The following RBFA variants were observed in gnomAD, a reference collection of about 807,000 sequenced individuals.
The protein encoded by RBFA is ribosome binding factor A.
Under a neutral mutation model 27.9 loss-of-function variants are expected in RBFA, and 16 were observed. The observed-to-expected ratio is 0.57, with a 90% CI of 0.39 to 0.87. The LOEUF is 0.87. Among genes scored for constraint, RBFA ranks in the 40% least tolerant of loss-of-function variants. The probability of loss-of-function intolerance (pLI) is 0.00; values close to 1 mark genes in which losing one functional copy is unlikely to be tolerated. For synonymous variants in RBFA, 181 were observed against 181.0 expected, an observed-to-expected ratio of 1.00 and a Z score of 0.00; for missense variants, 456 against 432.1, an observed-to-expected ratio of 1.06 and a Z score of -0.49.
chr18:80,039,048 C>G (rs2052000121), intron 4 of RBFA, among the ~76,000 whole-genome samples: 2 of 152,236 alleles, frequency 1.3e-5, no homozygotes, highest in African/African-American at 2.4e-5. Flanking sequence ...GACATGGTGC[C>G]TCTCACCTGT....
rs1398103009 is a variant in RBFA, at chr18:80,047,180, T to C, written c.*1025T>C. On this transcript the variant is annotated 3_prime_UTR_variant, in exon 7 of 7. Coordinates refer to ENST00000306735, the MANE Select transcript of RBFA (RefSeq NM_024805.3). ...ATCAAGACGGCACAGGGAAGGCATC[T>C]GTCCCAGCATTTGCACATGACAGGT... The C allele has an allele frequency of 6.6e-6, 1 of 152,298 alleles. No homozygotes were observed. Among genetic ancestry groups the C allele is most frequent in the Non-Finnish European group, 1.5e-5 (1 of 68,060 alleles). 9.4% of individuals were successfully genotyped at this position (152,298 alleles called of 1,614,324 possible).
chr18:80,044,026 C>T (rs1291904242), intron 5 of RBFA, among the ~76,000 whole-genome samples, 186 bp from the exon 6 acceptor site: 2 of 152,166 alleles, frequency 1.3e-5, no homozygotes, highest in Non-Finnish European at 2.9e-5. Context: ...GTTAAAGTAA[C>T]AGTAAGGTAT....
At chr18:80,038,670 T>C in intron 4 of RBFA, 53 bp downstream of exon 4, 2 of 1,340,364 alleles carry the variant, frequency 1.5e-6, no homozygotes, top group Admixed American at 4.0e-5. Flanking sequence ...ACCCTAAATT[T>C]CTCAGCTGTT....
intron 1 of RBFA, 75 bp downstream of exon 1, chr18:80,034,728 C>T (rs1035121461): frequency 3.4e-5 from 53 of 1,570,126 alleles, no homozygotes; most frequent in Non-Finnish European, 4.4e-5. Flanking sequence ...GGTGTCCGCT[C>T]ATCCGCGTTC....
Position 80,049,229 on chromosome 18 carries a change from C to T in RBFA, c.*3074C>T, listed in dbSNP as rs11663720. On this transcript the variant is annotated 3_prime_UTR_variant, in exon 7 of 7. Transcript: ENST00000306735. The stretch of plus-strand genomic sequence containing the variant: ...GAATGGGTCCACTCCTGGGGATTTC[C>T]GCGGCCTTCCCTGGGAGCGGGTTAG... Among the ~76,000 whole-genome samples the T allele has an allele frequency of 0.46, 66,660 of 144,118 alleles. 15,410 individuals carry two copies. The highest frequency in any genetic ancestry group is 0.53 in the Non-Finnish European group (34,228 of 64,010). The allele number at this position is 144,118 out of a possible 152,430, so 94.5% of individuals were successfully genotyped here. A position where few individuals can be genotyped will look rare whatever the true frequency, so the allele number is the denominator to read the frequency against.
chr18:80,038,256 G>A (rs530623222), intron 3 of RBFA, among the ~76,000 whole-genome samples: 4 of 152,226 alleles, frequency 2.6e-5, no homozygotes, highest in African/African-American at 4.8e-5. Flanking sequence ...TCAGGGTTCC[G>A]GTTTGGTTCT....
Position 80,048,261 on chromosome 18 carries a change from G to C in RBFA, c.*2106G>C, listed in dbSNP as rs1033964562. ...TGCACCAGCGCTGGAGGGGGCCACA[G>C]CAGAGTAAAGACAGAGTCTGCCATG... is the stretch of plus-strand genomic sequence containing the variant. On this transcript the variant is annotated 3_prime_UTR_variant, in exon 7 of 7. Transcript: ENST00000306735. 4 of 152,450 alleles carry C rather than the reference G, an allele frequency of 2.6e-5. No individual in the cohort carries two copies. Among genetic ancestry groups the C allele is most frequent in the African/African-American group, 4.8e-5 (2 of 41,460 alleles). The allele number at this position is 152,450 out of a possible 1,614,324, so 9.4% of individuals were successfully genotyped here. A position where few individuals can be genotyped will look rare whatever the true frequency, so the allele number is the denominator to read the frequency against.
At chr18:80,035,015 T>C (rs2051966983) in intron 1 of RBFA, 1 of 254,968 alleles carries the variant, frequency 3.9e-6, no homozygotes, top group African/African-American at 2.3e-5. Context: ...TGATAATTAG[T>C]GTTTTTAAAT....
At position 80,047,292 on chromosome 18, in the gene RBFA, T is replaced by TC. The variant is rs1424760864; in HGVS notation, c.*1139dup. The TC allele has an allele frequency of 6.6e-6, 1 of 152,306 alleles. No individual in the cohort carries two copies. The highest frequency in any genetic ancestry group is 2.4e-5 in the African/African-American group (1 of 41,458). The allele number at this position is 152,306 out of a possible 1,614,324, so 9.4% of individuals were successfully genotyped here. A position where few individuals can be genotyped will look rare whatever the true frequency, so the allele number is the denominator to read the frequency against. ...ACCTCCTCCCCAAAAAGGAGAAGTG[T>TC]CCAAGGGATAGCAGACCCGTAGCAC... On this transcript the variant is annotated 3_prime_UTR_variant, in exon 7 of 7. Transcript: ENST00000306735.
At chr18:80,042,272 T>A in intron 5 of RBFA, 53 bp downstream of exon 5, 1 of 1,210,704 alleles carries the variant, frequency 8.3e-7, no homozygotes. Context: ...TTTTTTTAAT[T>A]AGAGACAGAG....
Position 80,044,283 on chromosome 18 carries a change from C to T in RBFA, c.648C>T (p.Phe216=), listed in dbSNP as rs2052035988. ...DERDNFVQND[F]RDPDAPQPCG... ...GAGACAACTTTGTACAAAATGATTT[C>T]AGGTGACGCATGTGGACATATGTTT... Residue 216 remains phenylalanine (F), a splice_region_variant and synonymous_variant, in exon 6 of 7, where the codon TTC becomes TTT. Coordinates refer to ENST00000306735, the MANE Select transcript of RBFA (RefSeq NM_024805.3). 9.9e-6 allele frequency: 16 copies of T among 1,613,620 alleles called. No homozygotes were observed. In the East Asian group the frequency reaches 3.6e-4, roughly 36 times the overall value.
rs1210384346 is a variant in RBFA, at chr18:80,042,077, C to T, written c.492-58C>T. 6.9e-6 allele frequency: 9 copies of T among 1,309,226 alleles called. No homozygotes were observed. The African/African-American group carries it at 7.4e-5, about 11-fold the overall frequency. The allele number at this position is 1,309,226 out of a possible 1,614,324, so 81.1% of individuals were successfully genotyped here. A position where few individuals can be genotyped will look rare whatever the true frequency, so the allele number is the denominator to read the frequency against. On this transcript the variant is annotated intron_variant, in intron 4 of 6. Coordinates refer to ENST00000306735, the MANE Select transcript of RBFA (RefSeq NM_024805.3). The stretch of plus-strand genomic sequence containing the variant: ...TTGAATCATATGTTCAGCACTGTCA[C>T]GCCTCTCCACTGAGTGTCACGGCAC...
intron 4 of RBFA, chr18:80,041,408 T>C (rs2052014679): frequency 6.6e-6 from 1 of 152,206 alleles, no homozygotes; most frequent in Admixed American, 6.5e-5. Context: ...GTCTGTATTA[T>C]GTGATGTGCA....
Position 80,050,017 on chromosome 18 carries a change from C to T in RBFA, c.*3862C>T, listed in dbSNP as rs1476837948. The stretch of plus-strand genomic sequence containing the variant: ...ACAGAATCTTTTCCTCTCTAAGGGC[C>T]TGAGACCCTCTCTTAGGAATAGAAG... On this transcript the variant is annotated 3_prime_UTR_variant, in exon 7 of 7. Coordinates refer to ENST00000306735, the MANE Select transcript of RBFA (RefSeq NM_024805.3). 6.6e-6 allele frequency among the ~76,000 whole-genome samples: 1 copy of T among 152,242 alleles called. No homozygotes were observed. Among genetic ancestry groups the T allele is most frequent in the Non-Finnish European group, 1.5e-5 (1 of 68,042 alleles).
At chr18:80,039,818 T>A (rs2052004948) in intron 4 of RBFA, among the ~76,000 whole-genome samples, 1 of 152,212 alleles carries the variant, frequency 6.6e-6, no homozygotes, top group Non-Finnish European at 1.5e-5. Context: ...CGCTGAGAGA[T>A]CAATTCAAAG....
chr18:80,045,284 C>T (rs780563321), intron 6 of RBFA, among the ~76,000 whole-genome samples: 9 of 148,392 alleles, frequency 6.1e-5, no homozygotes, highest in African/African-American at 1.5e-4. Flanking sequence ...TAGAGTGCAG[C>T]GGCGTGATCT....
At chr18:80,041,919 G>C (rs2052018898) in intron 4 of RBFA, 1 of 225,812 alleles carries the variant, frequency 4.4e-6, no homozygotes, top group African/African-American at 2.3e-5. Context: ...GTAGAGACGG[G>C]GTTTCACCAT....
chr18:80,043,163 T>C (rs1445803441), intron 5 of RBFA, among the ~76,000 whole-genome samples: 1 of 152,220 alleles, frequency 6.6e-6, no homozygotes, highest in Non-Finnish European at 1.5e-5. Context: ...GGGTGGTGGT[T>C]ACCTGGCAGT....
In RBFA at chr18:80,048,980, G is replaced by T. The variant is rs1014302330; in HGVS notation, c.*2825G>T. On this transcript the variant is annotated 3_prime_UTR_variant, in exon 7 of 7. Transcript: ENST00000306735. ...CTCCTAGAAAGTGGAGTGTGGGCAC[G>T]TTTGTAGGGGATCCCACCAGGCATC... 6.8e-6 allele frequency among the ~76,000 whole-genome samples: 1 copy of T among 148,042 alleles called. No individual in the cohort carries two copies.
Sources: gnomAD v4.1 joint callset for allele counts (sites outside exome capture counted in the v4.1 genomes callset) on GRCh38, gnomAD v4.1.1 for gene constraint, MANE v1.5 for transcripts, NCBI Gene and HGNC (gene_info 2026-07-23, HGNC 2026-07-21) for gene names.